The following CEP162 variants were observed in gnomAD, a reference collection of about 807,000 sequenced individuals.
The protein encoded by CEP162 is centrosomal protein 162, also known as centrosomal protein of 162 kDa.
Under a neutral mutation model 169.2 loss-of-function variants are expected in CEP162, and 141 were observed. The ratio of observed to expected loss-of-function variants is 0.83; its 90% confidence interval spans 0.73 to 0.96. CEP162 has a LOEUF of 0.96. Ranked by LOEUF, CEP162 falls within the 40% of genes least tolerant of loss-of-function variation. The pLI, the probability that CEP162 is intolerant of heterozygous loss-of-function variation, is 0.00. For missense variants in CEP162, 1,600 were observed against 1,587.2 expected (o/e 1.01, Z -0.14); for synonymous variants, 540 against 526.4 (o/e 1.03, Z -0.35).
rs1490202428 is a variant in CEP162 at position 84,186,499 on chromosome 6, T to C, written c.1234A>G (p.Asn412Asp). ...VNLFFDKNDENVILQKTTNES... is the reference protein window; with the variant it reads ...VNLFFDKNDEDVILQKTTNES... ...TTTGTGGTCTTTTGTAAAATCACATTCTCATCATTTTTGTCAAAAAAAAGG... is the reference window on the plus strand; with the variant it reads ...TTTGTGGTCTTTTGTAAAATCACATCCTCATCATTTTTGTCAAAAAAAAGG... The change falls in exon 12 of 27, where the codon AAT becomes GAT. Residue 412 changes from asparagine (N) to aspartate (D), a missense_variant. Physicochemically the swap from Asn to Asp is conservative, Grantham distance 23 (BLOSUM62 1). Coordinates refer to ENST00000403245, the MANE Select transcript of CEP162 (RefSeq NM_014895.4). The C allele has an allele frequency of 1.9e-6, 3 of 1,613,360 alleles. No individual in the cohort carries two copies. The East Asian group carries it at 6.7e-5, about 36-fold the overall frequency.
At chr6:84,134,093 C>T (rs954174919) in intron 25 of CEP162, among the ~76,000 whole-genome samples, 5 of 152,318 alleles carry the variant, frequency 3.3e-5, no homozygotes, top group East Asian at 3.9e-4. Flanking sequence ...CCGGCTATGG[C>T]GGCTTTGCCA....
chr6:84,192,380 G>A (rs190195683), intron 11 of CEP162, among the ~76,000 whole-genome samples: 9 of 152,298 alleles, frequency 5.9e-5, no homozygotes. Flanking sequence ...AAAGATATAA[G>A]ATGTGTAAGA....
intron 16 of CEP162, among the ~76,000 whole-genome samples, chr6:84,173,686 C>CTTTT (rs3066635): frequency 0.055 from 7,708 of 140,422 alleles, 781 homozygotes; most frequent in African/African-American, 0.19. Flanking sequence ...TTTAATATAC[C>CTTTT]TTTTTTTTTT....
At chr6:84,186,689 C>A (rs1411826187) in intron 11 of CEP162, 66 bp from the exon 12 acceptor site, 2 of 1,325,714 alleles carry the variant, frequency 1.5e-6, no homozygotes, top group Non-Finnish European at 2.1e-6. Context: ...TCAGTAATAA[C>A]CACGTGTGTG....
chr6:84,158,312 G>A (rs975567707), intron 21 of CEP162, among the ~76,000 whole-genome samples: 1 of 152,170 alleles, frequency 6.6e-6, no homozygotes, highest in African/African-American at 2.4e-5. Flanking sequence ...TCATGGGTAA[G>A]ATGGGAATGG....
Position 84,203,989 on chromosome 6 carries a change from GCA to G in CEP162, c.677_678del (p.Val226AlafsTer13), listed in dbSNP as rs751948441. 4.4e-6 allele frequency: 7 copies of G among 1,599,376 alleles called. No individual in the cohort carries two copies. The highest frequency in any genetic ancestry group is 2.2e-5 in the East Asian group (1 of 44,578). On this transcript the variant is annotated frameshift_variant, in exon 7 of 27. Transcript: ENST00000403245. LOFTEE classifies it high-confidence loss of function. ...ATAATTGATATATATACCTGTTTGG[GCA>G]CACTTATTTTTTCTGATTTGGAATT... ...KENSKSEKIS[V>X]PKQEEEKTGM...
intron 25 of CEP162, among the ~76,000 whole-genome samples, chr6:84,130,310 G>C (rs1011973641): frequency 6.6e-6 from 1 of 152,100 alleles, no homozygotes; most frequent in African/African-American, 2.4e-5. Context: ...ATACTGGCCT[G>C]AAATTTTCTT....
rs1166267578 is a variant in CEP162 at position 84,159,547 on chromosome 6, A to AT, written c.2781+1264dup. Among the ~76,000 whole-genome samples the AT allele has an allele frequency of 4.4e-4, 14 of 31,956 alleles. 4 individuals are homozygous for AT. The highest frequency in any genetic ancestry group is 3.6e-3 in the South Asian group (2 of 550). The allele number at this position is 31,956 out of a possible 152,430, so 21.0% of individuals were successfully genotyped here. ...TTTATATATATATATATATATATAT[A>AT]TTTTTTTTTTTTTTTTTTTTTTTTT... On this transcript the variant is annotated intron_variant, in intron 21 of 26. Transcript: ENST00000403245.
At chr6:84,205,004 C>A (rs1328225412) in intron 6 of CEP162, among the ~76,000 whole-genome samples, 1 of 152,140 alleles carries the variant, frequency 6.6e-6, no homozygotes, top group Non-Finnish European at 1.5e-5. Flanking sequence ...GACACATACA[C>A]CCTCCCAAGA....
chr6:84,167,208 T>C (rs1562034016), intron 18 of CEP162, among the ~76,000 whole-genome samples: 1 of 152,334 alleles, frequency 6.6e-6, no homozygotes, highest in Non-Finnish European at 1.5e-5. Context: ...ATATTTGTGA[T>C]ACTTTACATT....
Position 84,200,806 on chromosome 6 carries a change from T to C in CEP162, c.818A>G (p.Asn273Ser), listed in dbSNP as rs763812634. The stretch of plus-strand genomic sequence containing the variant: ...ATTTTTACCTGTTCCTGTCATTTCA[T>C]TCTCAGTCATTTCTGGTAGGCACCT... ...KPRCLPEMTE[N>S]EMTGTGVSYG... The change falls in exon 9 of 27, where the codon AAT (asparagine) becomes AGT (serine). Residue 273 changes from asparagine to serine, a missense_variant. Physicochemically the swap from Asn to Ser is conservative, Grantham distance 46. Transcript: ENST00000403245. 5 of 1,597,256 alleles carry C rather than the reference T, an allele frequency of 3.1e-6. No homozygotes were observed. The highest frequency in any genetic ancestry group is 4.3e-6 in the Non-Finnish European group (5 of 1,164,950).
At chr6:84,172,218 G>A (rs2099530433) in intron 16 of CEP162, among the ~76,000 whole-genome samples, 1 of 152,304 alleles carries the variant, frequency 6.6e-6, no homozygotes, top group East Asian at 1.9e-4. Context: ...GCTACTGACT[G>A]TAAACAGGGA....
chr6:84,222,334 A>G (rs1432855862), intron 2 of CEP162, among the ~76,000 whole-genome samples: 1 of 152,048 alleles, frequency 6.6e-6, no homozygotes, highest in Non-Finnish European at 1.5e-5. Flanking sequence ...TAGTAGCATC[A>G]CTTCCTCCGG....
chr6:84,207,922 A>G (rs2127741083), intron 6 of CEP162, among the ~76,000 whole-genome samples: 1 of 152,286 alleles, frequency 6.6e-6, no homozygotes, highest in African/African-American at 2.4e-5. Flanking sequence ...TTATTTTTAA[A>G]AGACAAACAT....
At chr6:84,188,717 T>C (rs1319087349) in intron 11 of CEP162, among the ~76,000 whole-genome samples, 3 of 152,168 alleles carry the variant, frequency 2.0e-5, no homozygotes, top group African/African-American at 4.8e-5. Flanking sequence ...GTCTTTATGG[T>C]AGAACAATTT....
At chr6:84,145,570 T>TATC (rs1020575958) in intron 25 of CEP162, among the ~76,000 whole-genome samples, 1 of 152,094 alleles carries the variant, frequency 6.6e-6, no homozygotes, top group African/African-American at 2.4e-5. Context: ...CTTGTTTTTT[T>TATC]ATCTCTGGGG....
intron 12 of CEP162, among the ~76,000 whole-genome samples, chr6:84,185,838 C>T (rs1027927496): frequency 1.3e-5 from 2 of 151,976 alleles, no homozygotes; most frequent in Non-Finnish European, 2.9e-5. Context: ...CTGGAGATGA[C>T]TTAAATACAT....
chr6:84,210,374 A>G (rs568529673), intron 6 of CEP162, among the ~76,000 whole-genome samples: 324 of 152,296 alleles, frequency 2.1e-3, no homozygotes, highest in African/African-American at 7.6e-3. Context: ...AGTTAAAGGG[A>G]TTGTACTTTC....
At chr6:84,189,502 T>C (rs1174484924) in intron 11 of CEP162, among the ~76,000 whole-genome samples, 1 of 152,192 alleles carries the variant, frequency 6.6e-6, no homozygotes, top group Admixed American at 6.5e-5. Context: ...AATGGGGGAC[T>C]TAGCACCCGG....
Sources: gnomAD v4.1 joint callset for allele counts (sites outside exome capture counted in the v4.1 genomes callset) on GRCh38, gnomAD v4.1.1 for gene constraint, MANE v1.5 for transcripts, NCBI Gene and HGNC (gene_info 2026-07-23, HGNC 2026-07-21) for gene names.